Variants in NDUFV2 observed in about 807,000 individuals in gnomAD.
NDUFV2 encodes the protein NADH:ubiquinone oxidoreductase core subunit V2.
NDUFV2 carries 18 observed loss-of-function variants against 31.6 expected under a neutral mutation model. The ratio of observed to expected loss-of-function variants is 0.57; its 90% CI spans 0.39 to 0.84. The LOEUF (loss-of-function observed/expected upper bound fraction) is 0.84. NDUFV2 is among the 40% of genes least tolerant of loss of function. The probability of loss-of-function intolerance (pLI) is 0.00; values close to 1 mark genes in which losing one functional copy is unlikely to be tolerated. For synonymous variants in NDUFV2, 83 were observed against 99.8 expected, an observed-to-expected ratio of 0.83 and a Z score of 1.01; for missense variants, 314 against 303.6, an observed-to-expected ratio of 1.03 and a Z score of -0.26.
chr18:9,105,969 C>G (rs549514911), intron 1 of NDUFV2, among the ~76,000 whole-genome samples: 9 of 152,122 alleles, frequency 5.9e-5, no homozygotes, highest in Admixed American at 5.2e-4. Flanking sequence ...GGATTGTATG[C>G]TGAATTTTGT....
intron 7 of NDUFV2, among the ~76,000 whole-genome samples, chr18:9,128,008 T>C (rs1416252124): frequency 6.6e-6 from 1 of 152,250 alleles, no homozygotes; most frequent in Admixed American, 6.5e-5. Context: ...AGTTATGAAC[T>C]TGGATTTTCA....
chr18:9,117,822 A>C lies in NDUFV2; in HGVS notation c.55-16A>C. 2.2e-5 allele frequency: 29 copies of C among 1,339,216 alleles called. No individual in the cohort carries two copies. Among genetic ancestry groups the C allele is most frequent in the Non-Finnish European group, 2.8e-5 (26 of 931,908 alleles). The allele number at this position is 1,339,216 out of a possible 1,614,324, so 83.0% of individuals were successfully genotyped here. ...GGCTATGATTTACTAAACTTTCTTA[A>C]AATTTTAAATTTTAGGGAAGACATG... On this transcript the variant is annotated splice_polypyrimidine_tract_variant and intron_variant, in intron 1 of 7. Coordinates refer to ENST00000318388, the MANE Select transcript of NDUFV2 (RefSeq NM_021074.5).
At chr18:9,121,940 A>G (rs574187538) in intron 4 of NDUFV2, among the ~76,000 whole-genome samples, 39 of 148,938 alleles carry the variant, frequency 2.6e-4, no homozygotes, top group Non-Finnish European at 5.4e-4. Context: ...GGAGTGTGTG[A>G]TTGTGTATGA....
At chr18:9,127,529 T>C (rs995975781) in intron 7 of NDUFV2, among the ~76,000 whole-genome samples, 3 of 152,220 alleles carry the variant, frequency 2.0e-5, no homozygotes, top group Non-Finnish European at 4.4e-5. Flanking sequence ...AGTGGCGCAG[T>C]GGCACAATCT....
rs1211124033 is a variant in NDUFV2 at position 9,119,458 on chromosome 18, T to C, written c.184-16T>C. The C allele has an allele frequency of 1.2e-6, 2 of 1,607,912 alleles. No homozygotes were observed. Among genetic ancestry groups the C allele is most frequent in the Admixed American group, 3.3e-5 (2 of 59,950 alleles). On this transcript the variant is annotated splice_polypyrimidine_tract_variant and intron_variant, in intron 3 of 7. Coordinates refer to ENST00000318388, the MANE Select transcript of NDUFV2 (RefSeq NM_021074.5). Reference sequence around the variant, plus strand: ...ATTTTCTAGATGTATAAAATGATGTTCTTTCTTTTATACAGAGGATAGAGG... The same window carrying C: ...ATTTTCTAGATGTATAAAATGATGTCCTTTCTTTTATACAGAGGATAGAGG...
At chr18:9,120,020 T>C (rs2144742931) in intron 4 of NDUFV2, among the ~76,000 whole-genome samples, 1 of 152,294 alleles carries the variant, frequency 6.6e-6, no homozygotes, top group East Asian at 1.9e-4. Context: ...ATCTGTATAA[T>C]AGGTGATATT....
chr18:9,115,361 A>G (rs1354762175), intron 1 of NDUFV2, among the ~76,000 whole-genome samples: 1 of 151,840 alleles, frequency 6.6e-6, no homozygotes, highest in Non-Finnish European at 1.5e-5. Flanking sequence ...CTACATGATT[A>G]TTTTTACGAC....
At chr18:9,104,347 A>G (rs1256863636) in intron 1 of NDUFV2, 4 of 1,508,780 alleles carry the variant, frequency 2.7e-6, no homozygotes, top group Non-Finnish European at 3.6e-6. Flanking sequence ...GTTTTAAAGT[A>G]GAGGAATAAG....
At chr18:9,111,074 C>G (rs1473691870) in intron 1 of NDUFV2, among the ~76,000 whole-genome samples, 1 of 152,162 alleles carries the variant, frequency 6.6e-6, no homozygotes, top group East Asian at 1.9e-4. Flanking sequence ...GCCTGATTTT[C>G]TTCCTTAAAC....
chr18:9,104,492 C>T (rs1216009125), intron 1 of NDUFV2, among the ~76,000 whole-genome samples: 2 of 152,124 alleles, frequency 1.3e-5, no homozygotes, highest in Non-Finnish European at 2.9e-5. Flanking sequence ...GAGGATCAGA[C>T]ATGGTAGAAA....
In NDUFV2 at chr18:9,117,858, G is replaced by T; in HGVS notation, c.75G>T (p.Leu25Phe). Residue 25 changes from leucine to phenylalanine, a missense_variant, in exon 2 of 8, where the codon TTG becomes TTT. Physicochemically the swap from Leu to Phe is conservative, Grantham distance 22 (BLOSUM62 0). Transcript: ENST00000318388. Reference sequence around the variant, plus strand: ...TTTAGGGAAGACATGTAAGGAATTTGCATAAGACAGTTATGCAAAATGGAG... The same window carrying T: ...TTTAGGGAAGACATGTAAGGAATTTTCATAAGACAGTTATGCAAAATGGAG... Reference protein sequence around the residue: ...TAHWGRHVRNLHKTVMQNGAG... With the variant: ...TAHWGRHVRNFHKTVMQNGAG... 5 of 1,598,922 alleles carry T rather than the reference G, an allele frequency of 3.1e-6. No individual in the cohort carries two copies. The highest frequency in any genetic ancestry group is 4.3e-6 in the Non-Finnish European group (5 of 1,166,624).
chr18:9,118,597 C>G (rs2077911098), intron 2 of NDUFV2, among the ~76,000 whole-genome samples: 1 of 152,094 alleles, frequency 6.6e-6, no homozygotes, highest in Non-Finnish European at 1.5e-5. Context: ...AAAAGCAGAA[C>G]TCCGAGAGTT....
intron 1 of NDUFV2, among the ~76,000 whole-genome samples, chr18:9,108,905 G>C (rs1036587053): frequency 4.6e-5 from 7 of 152,044 alleles, no homozygotes; most frequent in Admixed American, 3.3e-4. Flanking sequence ...TGGCTAGGCT[G>C]GTCTCAAACT....
At chr18:9,128,810 T>C (rs2078014621) in intron 7 of NDUFV2, among the ~76,000 whole-genome samples, 1 of 152,232 alleles carries the variant, frequency 6.6e-6, no homozygotes, top group Admixed American at 6.5e-5. Context: ...ACCTTTTGGG[T>C]ACTCTAAAGA....
intron 1 of NDUFV2, chr18:9,105,112 AC>A: frequency 1.1e-6 from 1 of 947,332 alleles, no homozygotes; most frequent in Non-Finnish European, 1.4e-6. Flanking sequence ...TACTTATACA[AC>A]CAGGCCCTTC....
intron 1 of NDUFV2, among the ~76,000 whole-genome samples, chr18:9,111,343 CTAA>C (rs1268304756): frequency 1.3e-5 from 2 of 152,152 alleles, no homozygotes; most frequent in African/African-American, 2.4e-5. Context: ...CATAGTACTT[CTAA>C]TAATAATAGC....
intron 1 of NDUFV2, among the ~76,000 whole-genome samples, chr18:9,114,295 A>G (rs1280342403): frequency 1.3e-5 from 2 of 152,306 alleles, no homozygotes; most frequent in East Asian, 3.9e-4. Flanking sequence ...AAGTATAAGC[A>G]TTATACATAT....
chr18:9,105,431 G>C (rs1412436920), intron 1 of NDUFV2, among the ~76,000 whole-genome samples: 10 of 152,142 alleles, frequency 6.6e-5, no homozygotes, highest in African/African-American at 2.4e-4. Context: ...GGTGATTGTA[G>C]TAATTGACTA....
intron 1 of NDUFV2, among the ~76,000 whole-genome samples, chr18:9,107,707 C>T (rs2077848826): frequency 6.6e-6 from 1 of 152,144 alleles, no homozygotes; most frequent in African/African-American, 2.4e-5. Flanking sequence ...AGGGAAATCA[C>T]TATGTATGGT....
Sources: gnomAD v4.1 joint callset for allele counts (sites outside exome capture counted in the v4.1 genomes callset) on GRCh38, gnomAD v4.1.1 for gene constraint, MANE v1.5 for transcripts, NCBI Gene and HGNC (gene_info 2026-07-23, HGNC 2026-07-21) for gene names.